The following IRF6 variants were observed in gnomAD, a reference collection of about 807,000 sequenced individuals.
IRF6 encodes Van der Woude syndrome.
Under a neutral mutation model 51.4 loss-of-function variants are expected in IRF6, and 6 were observed. That is an observed-to-expected ratio of 0.12 (90% CI 0.06 to 0.23). The LOEUF is 0.23. Ranked by LOEUF, IRF6 falls within the 10% of genes least tolerant of loss-of-function variation. The probability of loss-of-function intolerance (pLI) is 1.00; values close to 1 mark genes in which losing one functional copy is unlikely to be tolerated. For missense variants in IRF6, 348 were observed against 585.2 expected (o/e 0.59, Z 4.18); for synonymous variants, 178 against 215.7 (o/e 0.83, Z 1.53).
rs957799152 is a variant in IRF6, at chr1:209,804,055, T to A, written c.-76+1892A>T. On this transcript the variant is annotated intron_variant, in intron 1 of 8. Transcript: ENST00000367021. ...TATGGGTGCTTTTTACATTCTCCCA[T>A]ATACATTATATATGATTCATATTTT... 2.0e-5 allele frequency among the ~76,000 whole-genome samples: 3 copies of A among 152,232 alleles called. No individual in the cohort carries two copies. In the South Asian group the frequency reaches 6.2e-4, roughly 31 times the overall value.
chr1:209,788,200 T>TTG lies in IRF6; in HGVS notation c.*219_*220insCA, dbSNP rs886045882. ...GGCCAAATCTCCTTCTACTATGCTA[T>TTG]ATCATACTACCATTAGGAGATTTGA... On this transcript the variant is annotated 3_prime_UTR_variant, in exon 9 of 9. Coordinates refer to ENST00000367021, the MANE Select transcript of IRF6 (RefSeq NM_006147.4). 7.0e-6 allele frequency: 4 copies of TTG among 573,598 alleles called. No individual in the cohort carries two copies. In the Middle Eastern group the frequency reaches 1.4e-3, roughly 199 times the overall value. The allele number at this position is 573,598 out of a possible 1,614,324, so 35.5% of individuals were successfully genotyped here. A position where few individuals can be genotyped will look rare whatever the true frequency, so the allele number is the denominator to read the frequency against.
chr1:209,789,237 T>A (rs1381352593), intron 8 of IRF6, among the ~76,000 whole-genome samples: 1 of 151,558 alleles, frequency 6.6e-6, no homozygotes, highest in African/African-American at 2.4e-5. Flanking sequence ...GGTGGGAGGA[T>A]CACTTGAACC....
At chr1:209,804,499 C>G (rs12405750) in intron 1 of IRF6, among the ~76,000 whole-genome samples, 1 of 152,200 alleles carries the variant, frequency 6.6e-6, no homozygotes, top group Non-Finnish European at 1.5e-5. Flanking sequence ...TCAGAGTTCT[C>G]TTTCTAAACA....
rs1257791501 is a variant in IRF6 at position 209,796,233 on chromosome 1, G to A, written c.379+115C>T. 4 of 857,216 alleles carry A rather than the reference G, an allele frequency of 4.7e-6. No individual in the cohort carries two copies. Among genetic ancestry groups the A allele is most frequent in the Non-Finnish European group, 7.4e-6 (4 of 543,360 alleles). The allele number at this position is 857,216 out of a possible 1,614,324, so 53.1% of individuals were successfully genotyped here. A position where few individuals can be genotyped will look rare whatever the true frequency, so the allele number is the denominator to read the frequency against. On this transcript the variant is annotated intron_variant, in intron 4 of 8. Coordinates refer to ENST00000367021, the MANE Select transcript of IRF6 (RefSeq NM_006147.4). This position sits in a 1 kb window ranked among gnomAD's most constrained non-coding sequence, Gnocchi z 4.5. ...GTCCTTCCCAGAGAAAGGCTTTCTT[G>A]CTTTATCCATCTTAAACTGTGTAAA...
chr1:209,800,934 C>T (rs942919110), intron 3 of IRF6, among the ~76,000 whole-genome samples: 9 of 152,188 alleles, frequency 5.9e-5, no homozygotes, highest in African/African-American at 2.2e-4. Flanking sequence ...GAAGAGTCAA[C>T]TGCTGACCCT....
At chr1:209,791,177 C>T (rs954251168) in intron 6 of IRF6, among the ~76,000 whole-genome samples, 8 of 152,152 alleles carry the variant, frequency 5.3e-5, no homozygotes, top group African/African-American at 1.4e-4. Flanking sequence ...GGTGTCCCCA[C>T]GCTATACTGA....
Position 209,790,401 on chromosome 1 carries a change from G to T in IRF6, c.1060+94C>A. The T allele has an allele frequency of 1.4e-6, 2 of 1,438,538 alleles. No homozygotes were observed. The highest frequency in any genetic ancestry group is 1.2e-5 in the South Asian group (1 of 85,952). 89.1% of individuals were successfully genotyped at this position (1,438,538 alleles called of 1,614,324 possible). A position where few individuals can be genotyped will look rare whatever the true frequency, so the allele number is the denominator to read the frequency against. On this transcript the variant is annotated intron_variant, in intron 7 of 8. Coordinates refer to ENST00000367021, the MANE Select transcript of IRF6 (RefSeq NM_006147.4). The surrounding 1 kb of genome is among the most constrained non-coding windows in gnomAD (Gnocchi z 4.8). The stretch of plus-strand genomic sequence containing the variant: ...CTAAATTTTTTAAGATCTTTGCCAT[G>T]CCAGGAAAGCAGGAAGGTGAAAGAC...
At chr1:209,794,122 G>A (rs187199407) in intron 5 of IRF6, among the ~76,000 whole-genome samples, 9 of 152,298 alleles carry the variant, frequency 5.9e-5, no homozygotes, top group Admixed American at 4.6e-4. Context: ...AGGTGATTCT[G>A]TTTCAAGTTC....
intron 3 of IRF6, among the ~76,000 whole-genome samples, chr1:209,799,604 T>A (rs1045064814): frequency 1.3e-5 from 2 of 152,104 alleles, no homozygotes; most frequent in Non-Finnish European, 2.9e-5. Flanking sequence ...ACAGCCCAAT[T>A]TTCCTCAAGC....
At position 209,788,200 on chromosome 1, in the gene IRF6, T is replaced by C. The variant is rs1441603208; in HGVS notation, c.*220A>G. The C allele has an allele frequency of 1.7e-6, 1 of 573,598 alleles. No individual in the cohort carries two copies. The highest frequency in any genetic ancestry group is 3.1e-6 in the Non-Finnish European group (1 of 322,662). The allele number at this position is 573,598 out of a possible 1,614,324, so 35.5% of individuals were successfully genotyped here. A position where few individuals can be genotyped will look rare whatever the true frequency, so the allele number is the denominator to read the frequency against. On this transcript the variant is annotated 3_prime_UTR_variant, in exon 9 of 9. Coordinates refer to ENST00000367021, the MANE Select transcript of IRF6 (RefSeq NM_006147.4). Reference sequence around the variant, plus strand: ...GGCCAAATCTCCTTCTACTATGCTATATCATACTACCATTAGGAGATTTGA... The same window carrying C: ...GGCCAAATCTCCTTCTACTATGCTACATCATACTACCATTAGGAGATTTGA...
intron 1 of IRF6, among the ~76,000 whole-genome samples, chr1:209,804,419 A>C (rs1392821144): frequency 6.6e-6 from 1 of 152,176 alleles, no homozygotes; most frequent in Non-Finnish European, 1.5e-5. Context: ...CAAAGATCCC[A>C]GCAGCATAGA....
chr1:209,792,513 G>A (rs561756114), intron 5 of IRF6, 86 bp from the exon 6 acceptor site: 3 of 1,436,690 alleles, frequency 2.1e-6, no homozygotes, highest in Admixed American at 3.6e-5. Flanking sequence ...AAGGTCAGTA[G>A]ACAAGAACCA....
chr1:209,797,404 A>G lies in IRF6; in HGVS notation c.175-852T>C, dbSNP rs554336424. On this transcript the variant is annotated intron_variant, in intron 3 of 8. Coordinates refer to ENST00000367021, the MANE Select transcript of IRF6 (RefSeq NM_006147.4). ...AAAAAAAAAAAAAAAAAAGAATTGTAGAAACCAAGTGCCTTTAGGAGGGAA... is the reference window on the plus strand; with the variant it reads ...AAAAAAAAAAAAAAAAAAGAATTGTGGAAACCAAGTGCCTTTAGGAGGGAA... Among the ~76,000 whole-genome samples, 4 of 140,634 alleles carry G rather than the reference A, an allele frequency of 2.8e-5. No homozygotes were observed. The East Asian group carries it at 8.9e-4, about 31-fold the overall frequency. The allele number at this position is 140,634 out of a possible 152,430, so 92.3% of individuals were successfully genotyped here. A position where few individuals can be genotyped will look rare whatever the true frequency, so the allele number is the denominator to read the frequency against.
intron 4 of IRF6, 127 bp from the exon 5 acceptor site, chr1:209,795,545 G>C (rs2077896075): frequency 1.2e-5 from 16 of 1,380,382 alleles, no homozygotes; most frequent in South Asian, 9.7e-5. Flanking sequence ...CACCCTCAAT[G>C]TCCTAGCTAA....
At chr1:209,793,862 G>A (rs1037063294) in intron 5 of IRF6, among the ~76,000 whole-genome samples, 1 of 152,112 alleles carries the variant, frequency 6.6e-6, no homozygotes, top group Non-Finnish European at 1.5e-5. Context: ...TTAGGATAAT[G>A]CCCTCCAGCT....
chr1:209,786,708 A>G lies in IRF6; in HGVS notation c.*1712T>C, dbSNP rs1050315474. 5.3e-5 allele frequency: 8 copies of G among 152,022 alleles called. No homozygotes were observed. The highest frequency in any genetic ancestry group is 1.2e-4 in the Non-Finnish European group (8 of 68,006). The allele number at this position is 152,022 out of a possible 1,614,324, so 9.4% of individuals were successfully genotyped here. A position where few individuals can be genotyped will look rare whatever the true frequency, so the allele number is the denominator to read the frequency against. ...TTCTTAATCTTTTCATGCTTTTCAT[A>G]ATAGCAAATTCCACTAGGTCTCTTA... On this transcript the variant is annotated 3_prime_UTR_variant, in exon 9 of 9. Coordinates refer to ENST00000367021, the MANE Select transcript of IRF6 (RefSeq NM_006147.4).
intron 3 of IRF6, among the ~76,000 whole-genome samples, chr1:209,800,827 G>A (rs768255110): frequency 4.6e-5 from 7 of 152,108 alleles, no homozygotes; most frequent in African/African-American, 1.2e-4. Context: ...GCTATACTGC[G>A]TGCCTGCTAA....
In IRF6 at chr1:209,788,171, C is replaced by G; in HGVS notation, c.*249G>C. 2.0e-6 allele frequency: 1 copy of G among 507,856 alleles called. No homozygotes were observed. The highest frequency in any genetic ancestry group is 3.4e-5 in the Admixed American group (1 of 29,222). The allele number at this position is 507,856 out of a possible 1,614,324, so 31.5% of individuals were successfully genotyped here. A position where few individuals can be genotyped will look rare whatever the true frequency, so the allele number is the denominator to read the frequency against. On this transcript the variant is annotated 3_prime_UTR_variant, in exon 9 of 9. Transcript: ENST00000367021. ...CAGCTAGAACTTTGGTGTCCAAACTCCCAGGCCAAATCTCCTTCTACTATG... is the reference window on the plus strand; with the variant it reads ...CAGCTAGAACTTTGGTGTCCAAACTGCCAGGCCAAATCTCCTTCTACTATG...
intron 5 of IRF6, among the ~76,000 whole-genome samples, chr1:209,794,324 G>A (rs972863966): frequency 1.8e-4 from 27 of 152,288 alleles, no homozygotes; most frequent in African/African-American, 6.5e-4. Flanking sequence ...AATGATTAGT[G>A]ACATTGAACA....
Sources: allele counts gnomAD v4.1 joint callset (sites outside exome capture counted in the v4.1 genomes callset), GRCh38; gene constraint gnomAD v4.1.1; non-coding constraint Gnocchi (gnomAD v3.1); transcripts MANE v1.5; gene names NCBI Gene and HGNC (gene_info 2026-07-23, HGNC 2026-07-21).